The following ZBTB20 variants were observed in gnomAD, a reference collection of about 807,000 sequenced individuals.
ZBTB20 encodes zinc finger and BTB domain containing 20.
A neutral mutation model predicts 56.9 loss-of-function variants in ZBTB20; 9 were observed. That is an observed-to-expected ratio of 0.16 (90% CI 0.10 to 0.28). ZBTB20 has a LOEUF of 0.28. Among genes scored for constraint, ZBTB20 ranks in the 10% least tolerant of loss-of-function variants. The pLI, the probability that ZBTB20 is intolerant of heterozygous loss-of-function variation, is 1.00. For synonymous variants in ZBTB20, 417 were observed against 420.7 expected, an observed-to-expected ratio of 0.99 and a Z score of 0.11; for missense variants, 655 against 1,003.0, an observed-to-expected ratio of 0.65 and a Z score of 4.69.
rs1424139200 is a variant in ZBTB20 at position 114,935,298 on chromosome 3, CT to C, written c.-455-34957del. ...AAAATCTTGTCAGAGTAATTCCTAC[CT>C]TCTCCCTTCCCCACCATGTTACCTT... On this transcript the variant is annotated intron_variant, in intron 3 of 11. Transcript: ENST00000675478. 2.0e-5 allele frequency among the ~76,000 whole-genome samples: 3 copies of C among 152,254 alleles called. No homozygotes were observed. In the East Asian group the frequency reaches 5.8e-4, roughly 29 times the overall value.
intron 10 of ZBTB20, among the ~76,000 whole-genome samples, chr3:114,369,373 C>T (rs1242363515): frequency 6.6e-6 from 1 of 152,132 alleles, no homozygotes; most frequent in Non-Finnish European, 1.5e-5. Flanking sequence ...AAGGAAAAAA[C>T]TCCTCAAGGT....
At chr3:114,411,180 G>T (rs927946001) in intron 7 of ZBTB20, among the ~76,000 whole-genome samples, 1 of 152,190 alleles carries the variant, frequency 6.6e-6, no homozygotes, top group African/African-American at 2.4e-5. Context: ...TGGGGGTGCA[G>T]AGGAGGTGCA....
intron 5 of ZBTB20, among the ~76,000 whole-genome samples, chr3:114,713,299 T>G (rs927438709): frequency 5.3e-5 from 8 of 152,208 alleles, no homozygotes; most frequent in Non-Finnish European, 8.8e-5. Flanking sequence ...TGAGCTCATC[T>G]GTTTTTTACA....
chr3:114,682,359 G>A (rs1457125059), intron 6 of ZBTB20, among the ~76,000 whole-genome samples: 2 of 152,130 alleles, frequency 1.3e-5, no homozygotes, highest in East Asian at 3.8e-4. Flanking sequence ...ATTCTACAAT[G>A]CCTTTTGTAT....
intron 5 of ZBTB20, among the ~76,000 whole-genome samples, chr3:114,750,801 A>T (rs2067501019): frequency 6.6e-6 from 1 of 152,202 alleles, no homozygotes; most frequent in Admixed American, 6.5e-5. Flanking sequence ...AATGCTTCCA[A>T]TTAATAAGAT....
chr3:115,088,852 T>G (rs775165032), intron 1 of ZBTB20, among the ~76,000 whole-genome samples: 1 of 151,868 alleles, frequency 6.6e-6, no homozygotes, highest in Non-Finnish European at 1.5e-5. Flanking sequence ...GGATATGCCA[T>G]GAAATTGTTG....
At chr3:114,888,996 T>C (rs1000211257) in intron 4 of ZBTB20, among the ~76,000 whole-genome samples, 30 of 152,246 alleles carry the variant, frequency 2.0e-4, no homozygotes, top group African/African-American at 7.2e-4. Context: ...TCTTTTGATA[T>C]GCTTAACAAA....
At chr3:115,009,246 C>T (rs578254651) in intron 2 of ZBTB20, among the ~76,000 whole-genome samples, 14 of 151,680 alleles carry the variant, frequency 9.2e-5, no homozygotes, top group African/African-American at 3.4e-4. Flanking sequence ...CACTATATAG[C>T]CCTTAATCTA....
chr3:115,065,976 G>GA (rs1576692041), intron 2 of ZBTB20, among the ~76,000 whole-genome samples: 1 of 151,948 alleles, frequency 6.6e-6, no homozygotes, highest in Non-Finnish European at 1.5e-5. Flanking sequence ...GAAAATCTGG[G>GA]AAAAAATGTC....
chr3:114,599,959 G>A (rs1051105906), intron 6 of ZBTB20, among the ~76,000 whole-genome samples: 2 of 151,858 alleles, frequency 1.3e-5, no homozygotes, highest in South Asian at 4.1e-4. Context: ...GAGCGAGCGA[G>A]CACATAAGAT....
In ZBTB20 at chr3:114,332,903, C is replaced by T. The variant is rs1576201863; in HGVS notation, c.*6102G>A. The stretch of plus-strand genomic sequence containing the variant: ...TTGTTTCAACCCAGGGCATTTTTAC[C>T]CATCATGCAGTGAGGAGAAAATACA... On this transcript the variant is annotated 3_prime_UTR_variant, in exon 12 of 12. Transcript: ENST00000675478. The T allele has an allele frequency of 6.6e-6, 1 of 152,046 alleles. No homozygotes were observed. Among genetic ancestry groups the T allele is most frequent in the East Asian group, 1.9e-4 (1 of 5,138 alleles). The allele number at this position is 152,046 out of a possible 1,614,324, so 9.4% of individuals were successfully genotyped here.
intron 7 of ZBTB20, among the ~76,000 whole-genome samples, chr3:114,450,541 C>A (rs1398271802): frequency 6.6e-6 from 1 of 152,032 alleles, no homozygotes; most frequent in Non-Finnish European, 1.5e-5. Context: ...AATTTAAGGT[C>A]TGTAAAAAAT....
At chr3:114,507,729 G>A (rs1434169631) in intron 6 of ZBTB20, among the ~76,000 whole-genome samples, 1 of 152,038 alleles carries the variant, frequency 6.6e-6, no homozygotes, top group East Asian at 1.9e-4. Flanking sequence ...AACTTTTCTA[G>A]TCTTGTTTAA....
chr3:114,497,422 G>T (rs758190264), intron 7 of ZBTB20, among the ~76,000 whole-genome samples: 1 of 152,126 alleles, frequency 6.6e-6, no homozygotes, highest in Non-Finnish European at 1.5e-5. Context: ...CAACCACCAT[G>T]TTTCAATCAC....
intron 7 of ZBTB20, among the ~76,000 whole-genome samples, chr3:114,487,601 C>A (rs2109452682): frequency 1.3e-5 from 2 of 152,286 alleles, no homozygotes; most frequent in Admixed American, 1.3e-4. Context: ...CCCAGAACAG[C>A]TTTGTACAAC....
intron 6 of ZBTB20, among the ~76,000 whole-genome samples, chr3:114,527,031 C>T (rs73857628): frequency 0.028 from 4,233 of 152,050 alleles, 191 homozygotes; most frequent in African/African-American, 0.096. Flanking sequence ...TTTCTTTGAA[C>T]ATAACAAATG....
At chr3:114,535,436 A>T (rs2048346366) in intron 6 of ZBTB20, among the ~76,000 whole-genome samples, 1 of 152,196 alleles carries the variant, frequency 6.6e-6, no homozygotes, top group Admixed American at 6.5e-5. Flanking sequence ...CCAAGACTAA[A>T]CCAGGAAGAA....
intron 5 of ZBTB20, among the ~76,000 whole-genome samples, chr3:114,722,225 G>A (rs1188238627): frequency 6.6e-6 from 1 of 152,140 alleles, no homozygotes; most frequent in Non-Finnish European, 1.5e-5. Flanking sequence ...ATGACATACA[G>A]AAAGTTACTT....
intron 6 of ZBTB20, among the ~76,000 whole-genome samples, chr3:114,593,983 C>T (rs578233367): frequency 1.3e-5 from 2 of 152,296 alleles, no homozygotes; most frequent in East Asian, 3.9e-4. Context: ...AATACATGTG[C>T]CTTCCTTGCT....
Sources: allele counts gnomAD v4.1 joint callset (sites outside exome capture counted in the v4.1 genomes callset), GRCh38; gene constraint gnomAD v4.1.1; transcripts MANE v1.5; gene names NCBI Gene and HGNC (gene_info 2026-07-23, HGNC 2026-07-21).